The following SPATA31F3 variants were observed in gnomAD, a reference collection of about 807,000 sequenced individuals.
SPATA31F3 encodes protein SPATA31F3.
the SPATA31F3 span, among the ~76,000 whole-genome samples, chr9:34,893,486 A>T: frequency 6.6e-6 from 1 of 152,082 alleles, no homozygotes; most frequent in Admixed American, 6.5e-5. Context: ...CTGTAGTCCC[A>T]GCTACTTGGG....
the SPATA31F3 span, among the ~76,000 whole-genome samples, chr9:34,893,844 A>T: frequency 6.6e-6 from 1 of 152,168 alleles, no homozygotes; most frequent in Non-Finnish European, 1.5e-5. Flanking sequence ...GTCTCATTTG[A>T]GGCTAAGAAA....
the SPATA31F3 span, among the ~76,000 whole-genome samples, chr9:34,891,759 A>G: frequency 6.6e-6 from 1 of 152,140 alleles, no homozygotes; most frequent in Non-Finnish European, 1.5e-5. Flanking sequence ...CTAGTGGGAA[A>G]GGCTGCAACA....
the SPATA31F3 span, among the ~76,000 whole-genome samples, chr9:34,892,445 G>A: frequency 0.039 from 5,928 of 152,264 alleles, 310 homozygotes; most frequent in African/African-American, 0.12. Flanking sequence ...TGTGGTATAA[G>A]CTGCCCTGTA....
chr9:34,890,231 G>T, the SPATA31F3 span, among the ~76,000 whole-genome samples: 4 of 152,232 alleles, frequency 2.6e-5, no homozygotes, highest in Non-Finnish European at 5.9e-5. Flanking sequence ...CAGAAAGGGT[G>T]TTCTCTCTGG....
At chr9:34,893,951 A>G in the SPATA31F3 span, among the ~76,000 whole-genome samples, 1 of 152,234 alleles carries the variant, frequency 6.6e-6, no homozygotes, top group East Asian at 1.9e-4. Context: ...TCTTTTGGGA[A>G]TCAATCCTGT....
chr9:34,894,409 C>A, the SPATA31F3 span: 1 of 398,558 alleles, frequency 2.5e-6, no homozygotes, highest in Non-Finnish European at 4.4e-6. Context: ...ACCAGACTAG[C>A]AGCTGGGAGA....
At chr9:34,892,428 G>T in the SPATA31F3 span, among the ~76,000 whole-genome samples, 5 of 152,300 alleles carry the variant, frequency 3.3e-5, no homozygotes, top group African/African-American at 1.2e-4. Flanking sequence ...TGGAAAATTA[G>T]AAGTGGTGTG....
the SPATA31F3 span, among the ~76,000 whole-genome samples, chr9:34,891,110 G>C: frequency 6.6e-6 from 1 of 152,188 alleles, no homozygotes; most frequent in Non-Finnish European, 1.5e-5. Flanking sequence ...TTTCTCAGTG[G>C]CTTCCTGGGA....
chr9:34,891,749 C>A, the SPATA31F3 span, among the ~76,000 whole-genome samples: 1 of 152,144 alleles, frequency 6.6e-6, no homozygotes, highest in Non-Finnish European at 1.5e-5. Context: ...TGTCCTGGAT[C>A]TAGTGGGAAA....
chr9:34,890,681 T>G, the SPATA31F3 span, among the ~76,000 whole-genome samples: 667 of 152,350 alleles, frequency 4.4e-3, 7 homozygotes, highest in African/African-American at 0.016. Context: ...AAAGGATCCC[T>G]GTGTGGAGAT....
At chr9:34,891,485 T>C in the SPATA31F3 span, among the ~76,000 whole-genome samples, 58 of 152,300 alleles carry the variant, frequency 3.8e-4, no homozygotes, top group Non-Finnish European at 3.2e-4. Context: ...CTATTCCCAC[T>C]AGCTTCTGGT....
chr9:34,894,813 A>C, the SPATA31F3 span, among the ~76,000 whole-genome samples: 1 of 152,176 alleles, frequency 6.6e-6, no homozygotes, highest in Non-Finnish European at 1.5e-5. Context: ...TTCTGCCCTA[A>C]TTCCTCATTC....
the SPATA31F3 span, among the ~76,000 whole-genome samples, chr9:34,890,289 C>A: frequency 6.6e-6 from 1 of 152,186 alleles, no homozygotes; most frequent in Non-Finnish European, 1.5e-5. Context: ...TCTGTGATTT[C>A]CAGCTGCTTT....
At chr9:34,893,028 A>C in the SPATA31F3 span, 1 of 936,916 alleles carries the variant, frequency 1.1e-6, no homozygotes, top group Non-Finnish European at 1.6e-6. Flanking sequence ...GAAGTCAGGG[A>C]GATCTGGTTG....
chr9:34,890,261 T>C, the SPATA31F3 span, among the ~76,000 whole-genome samples: 1 of 152,220 alleles, frequency 6.6e-6, no homozygotes, highest in Non-Finnish European at 1.5e-5. Context: ...GCTCCAGTGC[T>C]GTCCAGACAC....
the SPATA31F3 span, chr9:34,889,541 G>T: frequency 5.0e-6 from 2 of 398,464 alleles, no homozygotes; most frequent in Admixed American, 4.4e-5. Flanking sequence ...CCTTAGAAAG[G>T]AGAATGGATT....
At chr9:34,893,404 C>A in the SPATA31F3 span, among the ~76,000 whole-genome samples, 1 of 152,152 alleles carries the variant, frequency 6.6e-6, no homozygotes, top group Admixed American at 6.5e-5. Flanking sequence ...AGTTCGAGAT[C>A]AGCCTGGCCA....
At chr9:34,889,635 T>A in the SPATA31F3 span, 1 of 398,548 alleles carries the variant, frequency 2.5e-6, no homozygotes. Flanking sequence ...TTCTGGAGCT[T>A]CTGGAAGGAT....
chr9:34,894,375 A>G, the SPATA31F3 span: 29 of 398,236 alleles, frequency 7.3e-5, no homozygotes, highest in Non-Finnish European at 1.2e-4. Flanking sequence ...CTCTACCCCA[A>G]GCCAAGCTGA....
Sources: allele counts gnomAD v4.1 joint callset (sites outside exome capture counted in the v4.1 genomes callset), GRCh38; gene constraint gnomAD v4.1.1; transcripts MANE v1.5; gene names NCBI Gene and HGNC (gene_info 2026-07-23, HGNC 2026-07-21).